Variants in ASCC3 observed in about 807,000 individuals in gnomAD.
The protein encoded by ASCC3 is activating signal cointegrator 1 complex subunit 3, also known as ASC-1 complex subunit P200.
In ASCC3, 158 loss-of-function variants were observed where a neutral mutation model predicts 256.3. That is an observed-to-expected ratio of 0.62 (90% CI 0.54 to 0.70). The LOEUF (loss-of-function observed/expected upper bound fraction) is 0.70. Among genes scored for constraint, ASCC3 ranks in the 30% least tolerant of loss-of-function variants. The pLI, the probability that ASCC3 is intolerant of heterozygous loss-of-function variation, is 0.00. For synonymous variants in ASCC3, 948 were observed against 883.4 expected (o/e 1.07, Z -1.30); for missense variants, 2,259 against 2,626.0 (o/e 0.86, Z 3.05).
At chr6:100,595,542 G>A (rs1297582629) in intron 34 of ASCC3, among the ~76,000 whole-genome samples, 1 of 151,992 alleles carries the variant, frequency 6.6e-6, no homozygotes, top group African/African-American at 2.4e-5. Flanking sequence ...TTTTTTGGGG[G>A]GCATCAAATA....
At chr6:100,697,416 C>CA (rs34378817) in intron 13 of ASCC3, among the ~76,000 whole-genome samples, 6 of 150,746 alleles carry the variant, frequency 4.0e-5, no homozygotes, top group South Asian at 2.1e-4. Context: ...CTGAGACACA[C>CA]AAAAAAAAAG....
At chr6:100,563,504 GGAT>G (rs1247165608) in intron 36 of ASCC3, among the ~76,000 whole-genome samples, 4 of 152,130 alleles carry the variant, frequency 2.6e-5, no homozygotes, top group African/African-American at 9.7e-5. Flanking sequence ...TGTTTCACAT[GGAT>G]GATAAGTGAG....
At chr6:100,611,719 A>G (rs1773406428) in intron 30 of ASCC3, among the ~76,000 whole-genome samples, 1 of 151,992 alleles carries the variant, frequency 6.6e-6, no homozygotes, top group Non-Finnish European at 1.5e-5. Context: ...AACCCCCATA[A>G]AAAATACTTG....
intron 33 of ASCC3, among the ~76,000 whole-genome samples, chr6:100,602,563 G>C (rs1352332898): frequency 6.6e-6 from 1 of 152,052 alleles, no homozygotes; most frequent in Non-Finnish European, 1.5e-5. Flanking sequence ...GAAGAGCACA[G>C]GTACAGGACA....
chr6:100,851,789 A>G (rs1006769707), intron 3 of ASCC3, among the ~76,000 whole-genome samples: 10 of 152,184 alleles, frequency 6.6e-5, no homozygotes, highest in African/African-American at 2.2e-4. Flanking sequence ...ACCAGCCAAC[A>G]CTATTTGTTA....
intron 13 of ASCC3, among the ~76,000 whole-genome samples, chr6:100,700,460 A>T (rs1778302786): frequency 1.3e-5 from 2 of 152,148 alleles, no homozygotes; most frequent in Non-Finnish European, 2.9e-5. Flanking sequence ...GGCACCACCT[A>T]GTAGAGCTGT....
Position 100,625,306 on chromosome 6 carries a change from A to G in ASCC3, c.4671T>C (p.Pro1557=), listed in dbSNP as rs1274646291. The part of the protein sequence containing the change: ...QAIRSHSPAK[P]VLIFVSSRRQ... ...GTCTTGATGAGACAAATATCAAAACAGGTTTGGCTGGAGAATGGCTTCTAA... is the reference window on the plus strand; with the variant it reads ...GTCTTGATGAGACAAATATCAAAACGGGTTTGGCTGGAGAATGGCTTCTAA... Residue 1557 remains proline (P), a synonymous_variant, in exon 30 of 42, where the codon CCT becomes CCC. Transcript: ENST00000369162. 2 of 1,612,888 alleles carry G rather than the reference A, an allele frequency of 1.2e-6. No homozygotes were observed. Among genetic ancestry groups the G allele is most frequent in the Admixed American group, 1.7e-5 (1 of 59,866 alleles).
Position 100,516,239 on chromosome 6 carries a change from T to C in ASCC3, c.6016A>G (p.Lys2006Glu). 6.2e-7 allele frequency: 1 copy of C among 1,613,726 alleles called. No homozygotes were observed. Among genetic ancestry groups the C allele is most frequent in the Non-Finnish European group, 8.5e-7 (1 of 1,179,746 alleles). ...LPELIHACGG[K>E]DHVFSSMVES... ...ACCATGGAGCTAAATACATGGTCTTTCCCTCCACAGGCATGGATCAGTTCA... is the reference window on the plus strand; with the variant it reads ...ACCATGGAGCTAAATACATGGTCTTCCCCTCCACAGGCATGGATCAGTTCA... The change falls in exon 39 of 42, where the codon AAA (lysine) becomes GAA (glutamate). Residue 2006 changes from lysine to glutamate, a missense_variant. By Grantham distance (56) the Lys-to-Glu change is moderately conservative. Transcript: ENST00000369162.
intron 13 of ASCC3, among the ~76,000 whole-genome samples, chr6:100,686,381 T>G (rs180716788): frequency 3.3e-5 from 5 of 152,306 alleles, no homozygotes; most frequent in Admixed American, 2.6e-4. Context: ...TCTAACCTAG[T>G]AGCCACTATG....
chr6:100,810,273 T>C (rs1197003913), intron 4 of ASCC3, among the ~76,000 whole-genome samples: 1 of 152,162 alleles, frequency 6.6e-6, no homozygotes, highest in Non-Finnish European at 1.5e-5. Context: ...CTCAGCACAG[T>C]AACCTCTCCT....
intron 4 of ASCC3, among the ~76,000 whole-genome samples, chr6:100,831,190 T>C (rs1771600119): frequency 6.6e-6 from 1 of 151,952 alleles, no homozygotes; most frequent in Non-Finnish European, 1.5e-5. Context: ...AAATTTCTTC[T>C]AAAAATTATC....
intron 10 of ASCC3, among the ~76,000 whole-genome samples, chr6:100,735,343 T>C (rs375896986): frequency 1.4e-4 from 21 of 152,334 alleles, no homozygotes; most frequent in Middle Eastern, 3.4e-3. Context: ...AGTTACACTG[T>C]AGGTTTCCCT....
chr6:100,772,544 T>C (rs1255983374), intron 8 of ASCC3, among the ~76,000 whole-genome samples: 7 of 152,240 alleles, frequency 4.6e-5, no homozygotes, highest in Admixed American at 3.9e-4. Context: ...TTATCTATTA[T>C]ACATTTGCTT....
At chr6:100,795,705 A>T (rs1769577415) in intron 8 of ASCC3, among the ~76,000 whole-genome samples, 1 of 152,178 alleles carries the variant, frequency 6.6e-6, no homozygotes, top group Admixed American at 6.6e-5. Flanking sequence ...TTTTAATCAA[A>T]TTACAGAAGT....
At chr6:100,581,340 G>A (rs1339272638) in intron 36 of ASCC3, among the ~76,000 whole-genome samples, 3 of 152,120 alleles carry the variant, frequency 2.0e-5, no homozygotes, top group African/African-American at 7.2e-5. Flanking sequence ...CAGTGATGGT[G>A]AGCATTTTTT....
chr6:100,778,406 CTAAAA>C (rs66466404), intron 8 of ASCC3, among the ~76,000 whole-genome samples: 82,689 of 151,128 alleles, frequency 0.55, 22,903 homozygotes, highest in South Asian at 0.75. Context: ...TAAATTCTGT[CTAAAA>C]TAAGAAGTTA....
intron 8 of ASCC3, among the ~76,000 whole-genome samples, chr6:100,792,430 C>T (rs146023788): frequency 0.012 from 1,846 of 151,904 alleles, 25 homozygotes; most frequent in Non-Finnish European, 0.015. Context: ...GGCCTACATG[C>T]TAATAAGACT....
chr6:100,787,621 T>C (rs1769151128), intron 8 of ASCC3, among the ~76,000 whole-genome samples: 1 of 152,078 alleles, frequency 6.6e-6, no homozygotes, highest in East Asian at 1.9e-4. Context: ...CCAGACAGCA[T>C]GGCAAAGAAT....
At chr6:100,802,318 C>T (rs917706110) in intron 5 of ASCC3, among the ~76,000 whole-genome samples, 2 of 151,972 alleles carry the variant, frequency 1.3e-5, no homozygotes, top group African/African-American at 2.4e-5. Context: ...TTAGAACGGT[C>T]GTTTAAAAGT....
Sources: allele counts gnomAD v4.1 joint callset (sites outside exome capture counted in the v4.1 genomes callset), GRCh38; gene constraint gnomAD v4.1.1; transcripts MANE v1.5; gene names NCBI Gene and HGNC (gene_info 2026-07-23, HGNC 2026-07-21).